Variants in GOLT1B observed in about 807,000 individuals in gnomAD.
The protein encoded by GOLT1B is golgi transport 1B, also known as vesicle transport protein GOT1B.
Under a neutral mutation model 15.4 loss-of-function variants are expected in GOLT1B, and 3 were observed. The ratio of observed to expected loss-of-function variants is 0.19; its 90% confidence interval spans 0.09 to 0.50. The LOEUF (loss-of-function observed/expected upper bound fraction) is 0.50, where lower values mean the gene tolerates loss of function less well. GOLT1B is among the 20% of genes least tolerant of loss of function. The probability of loss-of-function intolerance (pLI) is 0.97; values close to 1 mark genes in which losing one functional copy is unlikely to be tolerated. For missense variants in GOLT1B, 145 were observed against 160.4 expected (o/e 0.90, Z 0.52); for synonymous variants, 65 against 56.2 (o/e 1.16, Z -0.70).
rs769888685 is a variant in GOLT1B, at chr12:21,501,820, T to C, written c.-104T>C. ...GGTGGCTGCGTGTTTCCGGAAGACG[T>C]GGCGGCTCTCGCCTGGGCTGTTTCC... On this transcript the variant is annotated 5_prime_UTR_variant, in exon 1 of 5. Coordinates refer to ENST00000229314, the MANE Select transcript of GOLT1B (RefSeq NM_016072.5). 1.5e-5 allele frequency: 12 copies of C among 793,472 alleles called. No individual in the cohort carries two copies. The highest frequency in any genetic ancestry group is 2.6e-5 in the Non-Finnish European group (12 of 453,610). 49.2% of individuals were successfully genotyped at this position (793,472 alleles called of 1,614,324 possible).
intron 1 of GOLT1B, chr12:21,504,462 C>A: frequency 2.3e-6 from 1 of 443,106 alleles, no homozygotes; most frequent in Admixed American, 2.4e-5. Flanking sequence ...ATGTTTTGGG[C>A]AATGTCTCCC....
intron 1 of GOLT1B, chr12:21,504,464 A>T (rs755817286): frequency 4.5e-6 from 2 of 444,768 alleles, no homozygotes; most frequent in African/African-American, 4.0e-5. Context: ...GTTTTGGGCA[A>T]TGTCTCCCGC....
At chr12:21,502,437 G>A (rs186948958) in intron 1 of GOLT1B, among the ~76,000 whole-genome samples, 10 of 152,258 alleles carry the variant, frequency 6.6e-5, no homozygotes, top group Admixed American at 5.9e-4. Flanking sequence ...ATGTCCTTAC[G>A]CTTAAATGTG....
intron 4 of GOLT1B, among the ~76,000 whole-genome samples, chr12:21,514,893 A>C (rs1422569948): frequency 6.6e-6 from 1 of 151,976 alleles, no homozygotes; most frequent in Admixed American, 6.6e-5. Context: ...TGATCAGATG[A>C]TTACTAGAAT....
chr12:21,503,785 G>T (rs779443618), intron 1 of GOLT1B, among the ~76,000 whole-genome samples: 7 of 152,148 alleles, frequency 4.6e-5, no homozygotes, highest in Non-Finnish European at 1.0e-4. Context: ...TGGGATTTTG[G>T]TTTTTAGAGA....
At position 21,501,819 on chromosome 12, in the gene GOLT1B, G is replaced by T. The variant is rs1943627113; in HGVS notation, c.-105G>T. On this transcript the variant is annotated 5_prime_UTR_variant, in exon 1 of 5. Transcript: ENST00000229314. ...GGGTGGCTGCGTGTTTCCGGAAGAC[G>T]TGGCGGCTCTCGCCTGGGCTGTTTC... The T allele has an allele frequency of 3.8e-6, 3 of 789,002 alleles. No homozygotes were observed. Among genetic ancestry groups the T allele is most frequent in the Non-Finnish European group, 6.7e-6 (3 of 449,876 alleles). 48.9% of individuals were successfully genotyped at this position (789,002 alleles called of 1,614,324 possible).
intron 3 of GOLT1B, among the ~76,000 whole-genome samples, chr12:21,511,182 G>A (rs944341349): frequency 6.6e-6 from 1 of 152,164 alleles, no homozygotes; most frequent in Admixed American, 6.5e-5. Context: ...GGGTTCCCAC[G>A]ATCCCCTGTT....
chr12:21,504,476 G>A, intron 1 of GOLT1B: 2 of 458,402 alleles, frequency 4.4e-6, no homozygotes, highest in East Asian at 1.3e-4. Context: ...GTCTCCCGCT[G>A]GACTGTACTG....
chr12:21,509,127 G>C lies in GOLT1B; in HGVS notation c.296+566G>C, dbSNP rs183635500. Among the ~76,000 whole-genome samples the C allele has an allele frequency of 3.1e-3, 477 of 152,068 alleles. 4 individuals are homozygous for C. The highest frequency in any genetic ancestry group is 0.011 in the African/African-American group (452 of 41,476). ...TATGAAAATACCTTTGGCCAGGTGC[G>C]GTGGCTCACACCTGTAATCCCAGCA... On this transcript the variant is annotated intron_variant, in intron 3 of 4. Transcript: ENST00000229314.
In GOLT1B at chr12:21,501,933, T is replaced by C; in HGVS notation, c.10T>C (p.Leu4=). The C allele has an allele frequency of 3.1e-6, 5 of 1,609,772 alleles. No individual in the cohort carries two copies. The highest frequency in any genetic ancestry group is 3.4e-6 in the Non-Finnish European group (4 of 1,176,126). MIS[L]TDTQKIGMGL... Reference sequence around the variant, plus strand: ...CCCCACCACTGCAGCCATGATCTCCTTAACGGACACGCAGAGTAAGCACCT... The same window carrying C: ...CCCCACCACTGCAGCCATGATCTCCCTAACGGACACGCAGAGTAAGCACCT... Residue 4 remains leucine (L), a synonymous_variant, in exon 1 of 5, where the codon TTA becomes CTA. Coordinates refer to ENST00000229314, the MANE Select transcript of GOLT1B (RefSeq NM_016072.5).
intron 4 of GOLT1B, among the ~76,000 whole-genome samples, chr12:21,513,302 A>G (rs549849099): frequency 2.0e-5 from 3 of 152,136 alleles, no homozygotes; most frequent in African/African-American, 7.2e-5. Context: ...TTCAATATTC[A>G]TTCAACAAAT....
intron 3 of GOLT1B, 59 bp from the exon 4 acceptor site, chr12:21,512,236 A>G: frequency 1.2e-6 from 1 of 850,744 alleles, no homozygotes; most frequent in Non-Finnish European, 2.0e-6. Context: ...CTTGGTTAGC[A>G]ATTATTTTGA....
chr12:21,504,679 A>G, intron 1 of GOLT1B: 1 of 463,032 alleles, frequency 2.2e-6, no homozygotes, highest in Non-Finnish European at 4.4e-6. Flanking sequence ...CCATGGTTGC[A>G]CATATGAACC....
At chr12:21,508,197 T>C (rs1287945366) in intron 2 of GOLT1B, 186 bp from the exon 3 acceptor site, 2 of 567,338 alleles carry the variant, frequency 3.5e-6, no homozygotes, top group African/African-American at 1.9e-5. Flanking sequence ...GCTACAACTT[T>C]AAAATGCATA....
At chr12:21,504,051 C>A (rs1943660573) in intron 1 of GOLT1B, among the ~76,000 whole-genome samples, 1 of 152,200 alleles carries the variant, frequency 6.6e-6, no homozygotes, top group Non-Finnish European at 1.5e-5. Flanking sequence ...AGAGACAATG[C>A]TGCTTTTAAA....
intron 3 of GOLT1B, among the ~76,000 whole-genome samples, chr12:21,510,186 C>T (rs931448229): frequency 2.0e-5 from 3 of 152,062 alleles, no homozygotes; most frequent in Non-Finnish European, 1.5e-5. Context: ...GTACTTTTGA[C>T]ATTTTAGGGT....
At chr12:21,502,391 A>G (rs56256037) in intron 1 of GOLT1B, among the ~76,000 whole-genome samples, 1 of 152,180 alleles carries the variant, frequency 6.6e-6, no homozygotes, top group Non-Finnish European at 1.5e-5. Context: ...GGGAGGCGGT[A>G]TTTTAAATGT....
In GOLT1B at chr12:21,515,950, A is replaced by G. The variant is rs1943752819; in HGVS notation, c.*243A>G. The G allele has an allele frequency of 4.3e-5, 17 of 396,196 alleles. No homozygotes were observed. The South Asian group carries it at 8.0e-4, about 19-fold the overall frequency. 24.5% of individuals were successfully genotyped at this position (396,196 alleles called of 1,614,324 possible). ...GAGAGAGGTGAAATCCATGTTAATG[A>G]TGCTTAAGAAACTCTTGAAGGCTAT... On this transcript the variant is annotated 3_prime_UTR_variant, in exon 5 of 5. Coordinates refer to ENST00000229314, the MANE Select transcript of GOLT1B (RefSeq NM_016072.5).
chr12:21,502,883 AT>A (rs1943646496), intron 1 of GOLT1B, among the ~76,000 whole-genome samples: 1 of 152,206 alleles, frequency 6.6e-6, no homozygotes, highest in East Asian at 1.9e-4. Flanking sequence ...GATTTTCAAT[AT>A]TTTAAGACTT....
Sources: allele counts gnomAD v4.1 joint callset (sites outside exome capture counted in the v4.1 genomes callset), GRCh38; gene constraint gnomAD v4.1.1; transcripts MANE v1.5; gene names NCBI Gene and HGNC (gene_info 2026-07-23, HGNC 2026-07-21).